Variants in IQCJ observed in about 807,000 individuals in gnomAD.
IQCJ encodes IQ motif containing J, also known as IQ domain-containing protein J.
In IQCJ, 9 loss-of-function variants were observed where a neutral mutation model predicts 11.0. That is an observed-to-expected ratio of 0.82 (90% CI 0.49 to 1.43). The LOEUF is 1.43. IQCJ is among the 40% of genes most tolerant of loss of function. The probability of loss-of-function intolerance (pLI) is 0.00; values close to 1 mark genes in which losing one functional copy is unlikely to be tolerated. For missense variants in IQCJ, 146 were observed against 133.2 expected (o/e 1.10, Z -0.47); for synonymous variants, 55 against 51.3 (o/e 1.07, Z -0.31).
Position 159,069,338 on chromosome 3 carries a change from C to T in IQCJ, c.-95C>T. On this transcript the variant is annotated 5_prime_UTR_variant, in exon 1 of 4. Transcript: ENST00000397832. Reference sequence around the variant, plus strand: ...AGCCTCACACTCGCCTCACATTCCCCCACAGTCACATTGCGCTCTGTGATT... The same window carrying T: ...AGCCTCACACTCGCCTCACATTCCCTCACAGTCACATTGCGCTCTGTGATT... 1 of 1,494,140 alleles carries T rather than the reference C, an allele frequency of 6.7e-7. No individual in the cohort carries two copies. Among genetic ancestry groups the T allele is most frequent in the South Asian group, 1.4e-5 (1 of 69,966 alleles). The allele number at this position is 1,494,140 out of a possible 1,614,324, so 92.6% of individuals were successfully genotyped here.
intron 1 of IQCJ, among the ~76,000 whole-genome samples, chr3:159,165,325 G>A (rs114936583): frequency 1.3e-3 from 191 of 152,330 alleles, no homozygotes; most frequent in African/African-American, 4.2e-3. Context: ...AGTCCACCCA[G>A]ATGGCACATC....
intron 1 of IQCJ, among the ~76,000 whole-genome samples, chr3:159,161,328 C>T (rs931622141): frequency 1.4e-4 from 21 of 152,162 alleles, no homozygotes; most frequent in African/African-American, 4.6e-4. Flanking sequence ...TAAATGCCTT[C>T]TTTTGAGAAG....
At chr3:159,265,120 G>A (rs953724466), downstream of IQCJ, 3 of 1,014,942 alleles carry the variant, frequency 3.0e-6, no homozygotes, top group Non-Finnish European at 4.3e-6. Flanking sequence ...TTGTCACTTA[G>A]GTAAAATATC....
chr3:159,093,997 G>A (rs1717533077), intron 1 of IQCJ, among the ~76,000 whole-genome samples: 1 of 151,806 alleles, frequency 6.6e-6, no homozygotes, highest in Admixed American at 6.6e-5. Flanking sequence ...ATATCAGCCA[G>A]TAAGAAGCCT....
intron 2 of IQCJ, among the ~76,000 whole-genome samples, chr3:159,248,337 C>A (rs1216715148): frequency 1.3e-5 from 2 of 152,162 alleles, no homozygotes; most frequent in African/African-American, 2.4e-5. Flanking sequence ...GAAGTTTCAG[C>A]CCTTTGACCA....
At chr3:159,248,228 C>T (rs1727387478) in intron 2 of IQCJ, among the ~76,000 whole-genome samples, 1 of 152,158 alleles carries the variant, frequency 6.6e-6, no homozygotes, top group African/African-American at 2.4e-5. Flanking sequence ...AATGCTGGCT[C>T]CTTTCCTTTC....
intron 1 of IQCJ, among the ~76,000 whole-genome samples, chr3:159,192,019 A>T (rs1012599674): frequency 6.6e-6 from 1 of 152,206 alleles, no homozygotes; most frequent in Non-Finnish European, 1.5e-5. Flanking sequence ...TAGGAAACTG[A>T]CCTTTCCTCC....
chr3:159,229,592 G>C (rs1244458993), intron 1 of IQCJ, among the ~76,000 whole-genome samples: 1 of 150,938 alleles, frequency 6.6e-6, no homozygotes, highest in African/African-American at 2.4e-5. Context: ...ATGATTAAAT[G>C]ACTAAAAGTT....
At chr3:159,256,021 C>T (rs1295829096) in intron 3 of IQCJ, among the ~76,000 whole-genome samples, 3 of 152,214 alleles carry the variant, frequency 2.0e-5, no homozygotes, top group Non-Finnish European at 2.9e-5. Flanking sequence ...CCTCGCAGCA[C>T]AGGCAGAGGT....
At chr3:159,228,611 G>GA (rs1323552255) in intron 1 of IQCJ, among the ~76,000 whole-genome samples, 1 of 152,064 alleles carries the variant, frequency 6.6e-6, no homozygotes, top group Non-Finnish European at 1.5e-5. Context: ...TAAAAACGGT[G>GA]AAACCTCGTC....
At chr3:159,164,102 G>T (rs1722032126) in intron 1 of IQCJ, among the ~76,000 whole-genome samples, 1 of 152,198 alleles carries the variant, frequency 6.6e-6, no homozygotes, top group African/African-American at 2.4e-5. Context: ...AGCTTGGCAA[G>T]TTAAATTCAC....
chr3:159,246,853 C>A (rs1007388749), intron 2 of IQCJ, among the ~76,000 whole-genome samples: 1 of 152,090 alleles, frequency 6.6e-6, no homozygotes, highest in African/African-American at 2.4e-5. Flanking sequence ...GAAAATAGAA[C>A]AAGAGTCAAT....
intron 1 of IQCJ, among the ~76,000 whole-genome samples, chr3:159,151,121 G>A (rs983883386): frequency 3.3e-5 from 5 of 152,186 alleles, no homozygotes; most frequent in African/African-American, 1.2e-4. Flanking sequence ...GGTGGCAGAT[G>A]TTCCCAGAGC....
intron 1 of IQCJ, among the ~76,000 whole-genome samples, chr3:159,116,271 A>T (rs1006834294): frequency 6.6e-6 from 1 of 151,952 alleles, no homozygotes; most frequent in African/African-American, 2.4e-5. Context: ...GAGGAACAAG[A>T]GGAAGAATAA....
chr3:159,237,522 G>A (rs1456164413), intron 1 of IQCJ, among the ~76,000 whole-genome samples: 1 of 152,130 alleles, frequency 6.6e-6, no homozygotes. Flanking sequence ...TATAACAGTG[G>A]GAAGCCTGGG....
intron 1 of IQCJ, among the ~76,000 whole-genome samples, chr3:159,101,306 GAAA>G (rs1717890622): frequency 6.6e-6 from 1 of 151,596 alleles, no homozygotes; most frequent in Non-Finnish European, 1.5e-5. Context: ...ACCTCAGATG[GAAA>G]TGCAGAAATC....
intron 1 of IQCJ, among the ~76,000 whole-genome samples, chr3:159,190,492 A>G (rs147445963): frequency 5.3e-5 from 8 of 152,214 alleles, no homozygotes; most frequent in African/African-American, 1.9e-4. Flanking sequence ...GGAGAGGCGC[A>G]TGAATCATAA....
chr3:159,122,003 A>G (rs1425350735), intron 1 of IQCJ, among the ~76,000 whole-genome samples: 2 of 152,146 alleles, frequency 1.3e-5, no homozygotes, highest in African/African-American at 2.4e-5. Context: ...AACAACAAAA[A>G]TTTATTTCTC....
intron 3 of IQCJ, among the ~76,000 whole-genome samples, chr3:159,254,124 G>C (rs1399947292): frequency 6.6e-6 from 1 of 152,150 alleles, no homozygotes; most frequent in Non-Finnish European, 1.5e-5. Context: ...GGCAAACATA[G>C]GTTGCTTTAT....
Sources: gnomAD v4.1 joint callset for allele counts (sites outside exome capture counted in the v4.1 genomes callset) on GRCh38, gnomAD v4.1.1 for gene constraint, MANE v1.5 for transcripts, NCBI Gene and HGNC (gene_info 2026-07-23, HGNC 2026-07-21) for gene names.